The following LRMDA variants were observed in gnomAD, a reference collection of about 807,000 sequenced individuals.
LRMDA encodes the protein leucine rich melanocyte differentiation associated.
LRMDA carries 18 observed loss-of-function variants against 29.8 expected under a neutral mutation model. That is an observed-to-expected ratio of 0.60 (90% CI 0.42 to 0.90). The LOEUF is 0.90. Among genes scored for constraint, LRMDA ranks in the 40% least tolerant of loss-of-function variants. The pLI is 0.00. For missense variants in LRMDA, 273 were observed against 273.9 expected (o/e 1.00, Z 0.02); for synonymous variants, 125 against 109.4 (o/e 1.14, Z -0.89).
intron 5 of LRMDA, among the ~76,000 whole-genome samples, chr10:76,076,636 G>A (rs150367764): frequency 1.1e-3 from 169 of 152,106 alleles, no homozygotes; most frequent in African/African-American, 4.0e-3. Flanking sequence ...AAGTGAGATC[G>A]AACTTGGGCC....
intron 2 of LRMDA, among the ~76,000 whole-genome samples, chr10:75,510,772 G>A (rs1418880427): frequency 1.3e-5 from 2 of 152,190 alleles, no homozygotes; most frequent in East Asian, 3.9e-4. Flanking sequence ...GGAGGCAGAA[G>A]AGAAGTTAGT....
intron 2 of LRMDA, among the ~76,000 whole-genome samples, chr10:75,454,576 C>T (rs529151595): frequency 6.6e-6 from 1 of 152,154 alleles, no homozygotes; most frequent in Non-Finnish European, 1.5e-5. Context: ...AGAATGTATT[C>T]CCTATCCCTT....
At chr10:76,513,168 G>C (rs1442879522) in intron 6 of LRMDA, among the ~76,000 whole-genome samples, 2 of 152,134 alleles carry the variant, frequency 1.3e-5, no homozygotes, top group Non-Finnish European at 2.9e-5. Context: ...TAAATTTGGT[G>C]AGATCCCCAA....
At chr10:76,010,479 A>T (rs1388065681) in intron 2 of LRMDA, among the ~76,000 whole-genome samples, 1 of 151,870 alleles carries the variant, frequency 6.6e-6, no homozygotes, top group Non-Finnish European at 1.5e-5. Context: ...TGCCTGGCTA[A>T]TTTTTTGTAT....
At chr10:75,670,377 A>G (rs1371893526) in intron 2 of LRMDA, among the ~76,000 whole-genome samples, 1 of 140,670 alleles carries the variant, frequency 7.1e-6, no homozygotes, top group African/African-American at 3.3e-5. Context: ...CCCTCCCTCT[A>G]ACCAGAGCAT....
intron 2 of LRMDA, among the ~76,000 whole-genome samples, chr10:75,873,298 C>T (rs546998167): frequency 2.0e-5 from 3 of 152,320 alleles, no homozygotes; most frequent in East Asian, 1.9e-4. Context: ...CCAAAGTTAG[C>T]TCAATCACTT....
At chr10:76,224,612 A>G (rs896886173) in intron 5 of LRMDA, among the ~76,000 whole-genome samples, 15 of 150,682 alleles carry the variant, frequency 1.0e-4, no homozygotes, top group African/African-American at 3.6e-4. Flanking sequence ...TTGCTAGGTT[A>G]GATTCAAAGC....
In LRMDA at chr10:75,596,497, C is replaced by G. The variant is rs143915657; in HGVS notation, c.131+158003C>G. Among the ~76,000 whole-genome samples, 62 of 152,168 alleles carry G rather than the reference C, an allele frequency of 4.1e-4. 1 individual carries two copies. The highest frequency in any genetic ancestry group is 1.4e-3 in the African/African-American group (60 of 41,506). On this transcript the variant is annotated intron_variant, in intron 2 of 6. Coordinates refer to ENST00000611255, the MANE Select transcript of LRMDA (RefSeq NM_001305581.2). ...TCAACGTGCACTTACAACAAACCCTCAAAGGCAAAACACCAAGTTCATTTT... is the reference window on the plus strand; with the variant it reads ...TCAACGTGCACTTACAACAAACCCTGAAAGGCAAAACACCAAGTTCATTTT...
At chr10:76,365,085 C>CACACACACATATATATATATATATAT (rs1272382582) in intron 6 of LRMDA, among the ~76,000 whole-genome samples, 1 of 69,726 alleles carries the variant, frequency 1.4e-5, no homozygotes, top group African/African-American at 4.4e-5. Flanking sequence ...CACACACACA[C>CACACACACATATATATATATATATAT]ATATATATAT....
intron 2 of LRMDA, among the ~76,000 whole-genome samples, chr10:75,856,726 T>C (rs1461641311): frequency 1.3e-5 from 2 of 152,172 alleles, no homozygotes; most frequent in African/African-American, 4.8e-5. Flanking sequence ...GCCAATATCA[T>C]ACTGAATGGG....
intron 2 of LRMDA, among the ~76,000 whole-genome samples, chr10:75,831,941 G>A (rs12257844): frequency 0.045 from 6,816 of 152,272 alleles, 439 homozygotes; most frequent in African/African-American, 0.14. Context: ...ACTGCACATG[G>A]CATGGGGACC....
At chr10:76,553,261 T>C (rs1843516412) in intron 6 of LRMDA, among the ~76,000 whole-genome samples, 1 of 152,218 alleles carries the variant, frequency 6.6e-6, no homozygotes, top group African/African-American at 2.4e-5. Flanking sequence ...GCCAGATCTT[T>C]TAATTAAAAA....
chr10:76,051,395 G>A (rs1021189316), intron 4 of LRMDA, among the ~76,000 whole-genome samples: 1 of 152,238 alleles, frequency 6.6e-6, no homozygotes, highest in Non-Finnish European at 1.5e-5. Flanking sequence ...GGTGAACTGT[G>A]AGGAAAATCA....
intron 2 of LRMDA, chr10:75,601,316 G>A (rs1840882842): frequency 6.6e-6 from 1 of 152,204 alleles, no homozygotes; most frequent in Non-Finnish European, 1.5e-5. Flanking sequence ...TGGGAATTCT[G>A]ACTCTTCTTC....
rs140570774 is a variant in LRMDA, at chr10:75,616,391, G to A, written c.131+177897G>A. ...GCAATTCAAGGTGAGAGTTGGGTGGGGACATAGCCAAACCATATCAACAGG... is the reference window on the plus strand; with the variant it reads ...GCAATTCAAGGTGAGAGTTGGGTGGAGACATAGCCAAACCATATCAACAGG... On this transcript the variant is annotated intron_variant, in intron 2 of 6. Coordinates refer to ENST00000611255, the MANE Select transcript of LRMDA (RefSeq NM_001305581.2). 4.0e-4 allele frequency among the ~76,000 whole-genome samples: 61 copies of A among 152,120 alleles called. 1 individual carries two copies. Among genetic ancestry groups the A allele is most frequent in the African/African-American group, 1.4e-3 (59 of 41,498 alleles).
intron 5 of LRMDA, among the ~76,000 whole-genome samples, chr10:76,164,093 C>T (rs902646935): frequency 6.6e-6 from 1 of 151,934 alleles, no homozygotes; most frequent in Non-Finnish European, 1.5e-5. Context: ...AGTCTGGAAG[C>T]CTCTTTAGAA....
At chr10:75,754,368 C>T (rs775416436) in intron 2 of LRMDA, among the ~76,000 whole-genome samples, 1 of 152,180 alleles carries the variant, frequency 6.6e-6, no homozygotes, top group Admixed American at 6.5e-5. Context: ...TCTCAAAAAA[C>T]GTATTGTATT....
intron 2 of LRMDA, among the ~76,000 whole-genome samples, chr10:75,506,689 G>A (rs532398922): frequency 3.3e-5 from 5 of 152,296 alleles, no homozygotes; most frequent in South Asian, 2.1e-4. Flanking sequence ...AGAGTTCAGC[G>A]CCATGTTGGT....
chr10:75,902,666 T>G (rs1301917405), intron 2 of LRMDA, among the ~76,000 whole-genome samples: 10 of 152,238 alleles, frequency 6.6e-5, no homozygotes, highest in African/African-American at 2.4e-4. Flanking sequence ...CTTTTCAAAT[T>G]TGTAATGCAT....
Sources: allele counts gnomAD v4.1 joint callset (sites outside exome capture counted in the v4.1 genomes callset), GRCh38; gene constraint gnomAD v4.1.1; transcripts MANE v1.5; gene names NCBI Gene and HGNC (gene_info 2026-07-23, HGNC 2026-07-21).